Variants in CPED1 observed in about 807,000 individuals in gnomAD.
CPED1 encodes cadherin like and PC-esterase domain containing 1.
CPED1 carries 114 observed loss-of-function variants against 128.2 expected under a neutral mutation model. The observed-to-expected ratio is 0.89, with a 90% CI of 0.76 to 1.04. The LOEUF is 1.04. Ranked by LOEUF, CPED1 falls within the 50% of genes least tolerant of loss-of-function variation. The pLI, the probability that CPED1 is intolerant of heterozygous loss-of-function variation, is 0.00. For missense variants in CPED1, 1,211 were observed against 1,207.1 expected (o/e 1.00, Z -0.05); for synonymous variants, 462 against 426.7 (o/e 1.08, Z -1.02).
At chr7:121,077,686 A>G (rs1359850837) in intron 5 of CPED1, among the ~76,000 whole-genome samples, 3 of 150,734 alleles carry the variant, frequency 2.0e-5, no homozygotes, top group Non-Finnish European at 4.4e-5. Flanking sequence ...AATATATTTT[A>G]TATATTTTTC....
At chr7:121,105,684 G>T (rs9918543) in intron 7 of CPED1, among the ~76,000 whole-genome samples, 101 of 152,202 alleles carry the variant, frequency 6.6e-4, no homozygotes, top group African/African-American at 1.9e-3. Flanking sequence ...GAATAAACTT[G>T]TGACCAAAGC....
intron 18 of CPED1, among the ~76,000 whole-genome samples, chr7:121,249,729 A>G (rs1399063630): frequency 6.6e-6 from 1 of 152,194 alleles, no homozygotes; most frequent in East Asian, 1.9e-4. Flanking sequence ...CAAGAAGGCC[A>G]TTACATAATG....
intron 5 of CPED1, among the ~76,000 whole-genome samples, chr7:121,095,250 A>C (rs771906541): frequency 6.6e-6 from 1 of 152,118 alleles, no homozygotes; most frequent in Non-Finnish European, 1.5e-5. Context: ...ATTAGACTGG[A>C]CTGTTGAGAG....
At chr7:121,097,469 C>G (rs1794727450) in intron 5 of CPED1, among the ~76,000 whole-genome samples, 2 of 152,094 alleles carry the variant, frequency 1.3e-5, no homozygotes, top group South Asian at 4.1e-4. Flanking sequence ...AAAATGAAAT[C>G]AATTATTACA....
Position 121,098,785 on chromosome 7 carries a change from T to A in CPED1, c.749+954T>A, listed in dbSNP as rs745983072. On this transcript the variant is annotated intron_variant, in intron 6 of 22. Coordinates refer to ENST00000310396, the MANE Select transcript of CPED1 (RefSeq NM_024913.5). ...ATATATAAATATATATATATAAAAA[T>A]ATATAAAAATATATATAAATATATA... 3.8e-4 allele frequency among the ~76,000 whole-genome samples: 40 copies of A among 104,848 alleles called. 1 individual carries two copies. The highest frequency in any genetic ancestry group is 1.3e-3 in the South Asian group (4 of 3,148). 68.8% of individuals were successfully genotyped at this position (104,848 alleles called of 152,430 possible). A position where few individuals can be genotyped will look rare whatever the true frequency, so the allele number is the denominator to read the frequency against.
At chr7:121,045,796 A>G (rs1793179665) in intron 3 of CPED1, among the ~76,000 whole-genome samples, 2 of 152,160 alleles carry the variant, frequency 1.3e-5, no homozygotes, top group Non-Finnish European at 2.9e-5. Context: ...AAGTAATACC[A>G]ATTCATTTAG....
At chr7:121,207,323 TTACTG>T (rs1797542637) in intron 16 of CPED1, among the ~76,000 whole-genome samples, 1 of 152,066 alleles carries the variant, frequency 6.6e-6, no homozygotes, top group Non-Finnish European at 1.5e-5. Context: ...GCTCTGCTAA[TTACTG>T]TAAGCAATGT....
At chr7:120,996,071 G>A (rs1319474034) in intron 2 of CPED1, among the ~76,000 whole-genome samples, 1 of 151,730 alleles carries the variant, frequency 6.6e-6, no homozygotes, top group Non-Finnish European at 1.5e-5. Flanking sequence ...TTAAGTCCAG[G>A]AGTTCAAGAC....
intron 16 of CPED1, among the ~76,000 whole-genome samples, chr7:121,151,565 A>G: frequency 6.6e-6 from 1 of 152,378 alleles, no homozygotes; most frequent in South Asian, 2.1e-4. Flanking sequence ...AACAATTGAT[A>G]TAATTCTCAA....
chr7:121,064,376 G>C (rs1410592420), intron 5 of CPED1, 63 bp downstream of exon 5: 54 of 1,135,580 alleles, frequency 4.8e-5, no homozygotes, highest in Non-Finnish European at 6.9e-5. Context: ...CTTAGCAGAA[G>C]CAGCTAACAT....
intron 2 of CPED1, among the ~76,000 whole-genome samples, chr7:120,990,829 G>A (rs1002614075): frequency 5.9e-5 from 9 of 152,118 alleles, no homozygotes; most frequent in Non-Finnish European, 8.8e-5. Context: ...CACCAGCTCC[G>A]TTGCTACCAT....
In CPED1 at chr7:121,165,436, A is replaced by T. The variant is rs557547196; in HGVS notation, c.2055+23295A>T. Among the ~76,000 whole-genome samples the T allele has an allele frequency of 1.7e-3, 261 of 152,310 alleles. 2 individuals are homozygous for T. The highest frequency in any genetic ancestry group is 1.9e-3 in the Non-Finnish European group (132 of 68,004). ...GATCTGTTCATTAATGACCAAATTCATGTTTAAGGACACAATTTTGTATGA... is the reference window on the plus strand; with the variant it reads ...GATCTGTTCATTAATGACCAAATTCTTGTTTAAGGACACAATTTTGTATGA... On this transcript the variant is annotated intron_variant, in intron 16 of 22. Transcript: ENST00000310396.
intron 5 of CPED1, among the ~76,000 whole-genome samples, chr7:121,083,119 C>T: frequency 6.6e-6 from 1 of 152,120 alleles, no homozygotes; most frequent in East Asian, 1.9e-4. Context: ...TGGCACTCTC[C>T]TCCTTGAGGG....
At chr7:121,067,484 G>A (rs892748058) in intron 5 of CPED1, among the ~76,000 whole-genome samples, 1 of 152,116 alleles carries the variant, frequency 6.6e-6, no homozygotes, top group Non-Finnish European at 1.5e-5. Context: ...TGGTGTACAC[G>A]TGCCACATTT....
At chr7:121,230,016 T>C (rs1177607990) in intron 16 of CPED1, among the ~76,000 whole-genome samples, 1 of 152,036 alleles carries the variant, frequency 6.6e-6, no homozygotes, top group East Asian at 1.9e-4. Context: ...ATGCAATCTC[T>C]TGAATTATTT....
At chr7:121,189,760 T>TATATATATATATATATA in intron 16 of CPED1, among the ~76,000 whole-genome samples, 1 of 47,466 alleles carries the variant, frequency 2.1e-5, no homozygotes, top group Non-Finnish European at 3.9e-5. Context: ...TTATGAGGTT[T>TATATATATATATATATA]TATATATATA....
intron 16 of CPED1, among the ~76,000 whole-genome samples, chr7:121,217,987 A>AG: frequency 9.1e-6 from 1 of 109,448 alleles, no homozygotes; most frequent in South Asian, 3.5e-4. Context: ...GGTTTTTGCC[A>AG]ATTTTTTTTT....
At chr7:121,089,882 T>G (rs1450350827) in intron 5 of CPED1, among the ~76,000 whole-genome samples, 1 of 152,208 alleles carries the variant, frequency 6.6e-6, no homozygotes, top group Non-Finnish European at 1.5e-5. Context: ...AAAATGTCAT[T>G]TCCCCTGGAA....
At chr7:121,176,362 C>G (rs1563055317) in intron 16 of CPED1, among the ~76,000 whole-genome samples, 2 of 151,696 alleles carry the variant, frequency 1.3e-5, no homozygotes, top group South Asian at 2.1e-4. Context: ...CTCACTATTT[C>G]CTTTCATTTT....
Sources: gnomAD v4.1 joint callset for allele counts (sites outside exome capture counted in the v4.1 genomes callset) on GRCh38, gnomAD v4.1.1 for gene constraint, MANE v1.5 for transcripts, NCBI Gene and HGNC (gene_info 2026-07-23, HGNC 2026-07-21) for gene names.